The following RBFOX3 variants were observed in gnomAD, a reference collection of about 807,000 sequenced individuals.
RBFOX3 encodes RNA binding protein fox-1 homolog 3.
Under a neutral mutation model 48.7 loss-of-function variants are expected in RBFOX3, and 17 were observed. The ratio of observed to expected loss-of-function variants is 0.35; its 90% CI spans 0.24 to 0.52. The LOEUF is 0.52. Ranked by LOEUF, RBFOX3 falls within the 20% of genes least tolerant of loss-of-function variation. The pLI, the probability that RBFOX3 is intolerant of heterozygous loss-of-function variation, is 0.94. For missense variants in RBFOX3, 382 were observed against 497.5 expected, an observed-to-expected ratio of 0.77 and a Z score of 2.21; for synonymous variants, 212 against 209.5, an observed-to-expected ratio of 1.01 and a Z score of -0.10.
chr17:79,178,014 G>A (rs558736349), intron 4 of RBFOX3, among the ~76,000 whole-genome samples: 56 of 152,112 alleles, frequency 3.7e-4, no homozygotes, highest in African/African-American at 1.2e-3. Flanking sequence ...CACATGCCCC[G>A]CCGAGTCTCA....
the RBFOX3 span, among the ~76,000 whole-genome samples, chr17:79,620,411 G>T: frequency 2.3e-5 from 3 of 131,718 alleles, no homozygotes; most frequent in Non-Finnish European, 4.8e-5. Flanking sequence ...GCACACACAC[G>T]GACATGCACA....
intron 3 of RBFOX3, among the ~76,000 whole-genome samples, chr17:79,280,229 G>A (rs528361901): frequency 1.7e-4 from 9 of 53,210 alleles, no homozygotes; most frequent in East Asian, 6.9e-3. Flanking sequence ...GCACACACAC[G>A]CACACATGCA....
chr17:79,368,464 C>G, intron 2 of RBFOX3, among the ~76,000 whole-genome samples: 1 of 152,262 alleles, frequency 6.6e-6, no homozygotes, highest in Non-Finnish European at 1.5e-5. Context: ...CCCGCATTTG[C>G]AGATGGACAA....
At chr17:79,297,518 G>A (rs1052286338) in intron 3 of RBFOX3, among the ~76,000 whole-genome samples, 2 of 152,248 alleles carry the variant, frequency 1.3e-5, no homozygotes, top group African/African-American at 4.8e-5. Context: ...AGGGTCCCAG[G>A]AGCAGGCTGG....
At chr17:79,137,928 T>C (rs985838047) in intron 4 of RBFOX3, among the ~76,000 whole-genome samples, 4 of 152,142 alleles carry the variant, frequency 2.6e-5, no homozygotes, top group Non-Finnish European at 5.9e-5. Flanking sequence ...GCCTGTCAAC[T>C]CGGGGCTGAC....
chr17:79,651,499 G>A, the RBFOX3 span, among the ~76,000 whole-genome samples: 139,979 of 152,140 alleles, frequency 0.92, 65,318 homozygotes, highest in Non-Finnish European at 1. Context: ...TGGTCTCTGT[G>A]ACTGATGGAG....
intron 2 of RBFOX3, among the ~76,000 whole-genome samples, chr17:79,353,756 G>A (rs2084410316): frequency 6.6e-6 from 1 of 152,174 alleles, no homozygotes; most frequent in Admixed American, 6.5e-5. Flanking sequence ...TTAGCCAGGT[G>A]TCTGGCTGAA....
At chr17:79,101,797 G>A (rs1351876948) in intron 8 of RBFOX3, among the ~76,000 whole-genome samples, 153 bp from the exon 9 acceptor site, 1 of 152,014 alleles carries the variant, frequency 6.6e-6, no homozygotes. Context: ...GGGAGCCTTG[G>A]CCCCCACTGC....
At chr17:79,296,189 C>T (rs1409241035) in intron 3 of RBFOX3, among the ~76,000 whole-genome samples, 2 of 152,152 alleles carry the variant, frequency 1.3e-5, no homozygotes, top group Middle Eastern at 3.4e-3. Context: ...AGTGTACAGA[C>T]GCAAAAGGAA....
chr17:79,264,966 G>A (rs200752023), intron 3 of RBFOX3, among the ~76,000 whole-genome samples: 4,378 of 85,170 alleles, frequency 0.051, 215 homozygotes, highest in African/African-American at 0.18. Flanking sequence ...TGCGAGAGGA[G>A]GGGGGGGGGG....
At chr17:79,642,523 A>G in the RBFOX3 span, among the ~76,000 whole-genome samples, 1 of 152,324 alleles carries the variant, frequency 6.6e-6, no homozygotes, top group Non-Finnish European at 1.5e-5. Flanking sequence ...AGCTAGAGGA[A>G]AGTATTTTAA....
chr17:79,289,520 G>A (rs2144796740), intron 3 of RBFOX3, among the ~76,000 whole-genome samples: 1 of 152,364 alleles, frequency 6.6e-6, no homozygotes, highest in East Asian at 1.9e-4. Flanking sequence ...TGTCTTTTCT[G>A]TTTAAGCCAC....
At chr17:79,544,975 C>CAAAAAAA (rs10584963) in intron 1 of RBFOX3, among the ~76,000 whole-genome samples, 112 of 81,612 alleles carry the variant, frequency 1.4e-3, no homozygotes, top group South Asian at 0.011. Context: ...TCATTAAGGG[C>CAAAAAAA]AAAAAAAAAA....
intron 2 of RBFOX3, among the ~76,000 whole-genome samples, chr17:79,456,483 A>C (rs1403085902): frequency 6.7e-6 from 1 of 149,926 alleles, no homozygotes; most frequent in Non-Finnish European, 1.5e-5. Context: ...GCTGGAGAGA[A>C]CCCGCCCCAG....
Position 79,097,686 on chromosome 17 carries a change from T to C in RBFOX3, c.622+6A>G, listed in dbSNP as rs58352742. ...CATCCCATCCCCGCCCCGCCCCAGC[T>C]TTTACCTGCATAGAATTCAGGCCCG... On this transcript the variant is annotated splice_donor_region_variant and intron_variant, in intron 10 of 14. Transcript: ENST00000693108. 0.37 allele frequency: 542,337 copies of C among 1,468,196 alleles called. 99,270 individuals carry two copies. The highest frequency in any genetic ancestry group is 0.62 in the African/African-American group (43,498 of 70,514). 90.9% of individuals were successfully genotyped at this position (1,468,196 alleles called of 1,614,324 possible).
chr17:79,095,569 G>T lies in RBFOX3; in HGVS notation c.942C>A (p.Gly314=). Residue 314 remains glycine, a synonymous_variant, in exon 13 of 15, where the codon GGC becomes GGA. Coordinates refer to ENST00000693108, the MANE Select transcript of RBFOX3 (RefSeq NM_001350451.2). ...DGFYGAEIYG[G]YAAYRYAQPA... The stretch of plus-strand genomic sequence containing the variant: ...GCTGAGCGTATCTGTAGGCTGCGTA[G>T]CCTCCCTGCAGGGTAAGTGGGAGGA... The T allele has an allele frequency of 6.4e-7, 1 of 1,551,256 alleles. No homozygotes were observed. Among genetic ancestry groups the T allele is most frequent in the Non-Finnish European group, 8.7e-7 (1 of 1,146,672 alleles).
intron 2 of RBFOX3, among the ~76,000 whole-genome samples, chr17:79,357,735 G>C (rs1325248970): frequency 2.0e-5 from 3 of 150,758 alleles, no homozygotes; most frequent in Non-Finnish European, 2.9e-5. Flanking sequence ...ATAGGGGGGT[G>C]GTGAAGAATG....
Position 79,161,183 on chromosome 17 carries a change from G to A in RBFOX3, c.-33-45435C>T, listed in dbSNP as rs555076626. ...GGGTCATCCAGCCTGAGGCACTCAG[G>A]GGAGGCTCCCTGGAGGAGGTGGCCC... On this transcript the variant is annotated intron_variant, in intron 4 of 14. Transcript: ENST00000693108. Among the ~76,000 whole-genome samples the A allele has an allele frequency of 1.1e-4, 17 of 150,310 alleles. No homozygotes were observed. The East Asian group carries it at 2.1e-3, about 18-fold the overall frequency.
chr17:79,189,926 G>A (rs1459494165), intron 4 of RBFOX3, among the ~76,000 whole-genome samples: 1 of 152,248 alleles, frequency 6.6e-6, no homozygotes. Context: ...AGACATGACT[G>A]ATGACAGCCT....
Sources: gnomAD v4.1 joint callset for allele counts (sites outside exome capture counted in the v4.1 genomes callset) on GRCh38, gnomAD v4.1.1 for gene constraint, MANE v1.5 for transcripts, NCBI Gene and HGNC (gene_info 2026-07-23, HGNC 2026-07-21) for gene names.